Variants in ZNF729 observed in about 807,000 individuals in gnomAD.
The protein encoded by ZNF729 is zinc finger protein 729.
ZNF729 carries 15 observed loss-of-function variants against 12.2 expected under a neutral mutation model. The observed-to-expected ratio is 1.23, with a 90% CI of 0.82 to 1.89. ZNF729 has a LOEUF of 1.89. ZNF729 is among the 40% of genes most tolerant of loss of function. The pLI, the probability that ZNF729 is intolerant of heterozygous loss-of-function variation, is 0.00. For synonymous variants in ZNF729, 492 were observed against 476.3 expected, an observed-to-expected ratio of 1.03 and a Z score of -0.43; for missense variants, 1,540 against 1,456.7, an observed-to-expected ratio of 1.06 and a Z score of -0.93.
At chr19:22,289,095 C>T (rs1315588077) in intron 1 of ZNF729, among the ~76,000 whole-genome samples, 1 of 130,446 alleles carries the variant, frequency 7.7e-6, no homozygotes, top group South Asian at 2.2e-4. Flanking sequence ...TTATTTTGAC[C>T]TCAGTTTTTT....
At chr19:22,299,802 G>T (rs1259969424) in intron 1 of ZNF729, 2 of 152,186 alleles carry the variant, frequency 1.3e-5, no homozygotes, top group African/African-American at 4.8e-5. Flanking sequence ...TTAATGTAAA[G>T]GTGCAGTTCT....
Position 22,316,083 on chromosome 19 carries a change from T to G in ZNF729, c.2666T>G (p.Phe889Cys). ...AAATGTGAAGAATGTGGTAAAGCTT[T>G]TAAGTGGTTGTCAAAACTTACTGTA... ...PYKCEECGKA[F>C]KWLSKLTVHK... The change falls in exon 4 of 4, where the codon TTT becomes TGT. Residue 889 changes from phenylalanine (F) to cysteine (C), a missense_variant. Transcript: ENST00000601693. 2 of 1,610,418 alleles carry G rather than the reference T, an allele frequency of 1.2e-6. No homozygotes were observed. The highest frequency in any genetic ancestry group is 1.7e-6 in the Non-Finnish European group (2 of 1,179,540).
At chr19:22,304,033 G>A (rs1451617520) in intron 2 of ZNF729, 149 bp downstream of exon 2, 2 of 558,572 alleles carry the variant, frequency 3.6e-6, no homozygotes. Context: ...GTGTAGAAAG[G>A]AATTTTTTTT....
intron 1 of ZNF729, among the ~76,000 whole-genome samples, chr19:22,292,785 G>A (rs913967912): frequency 6.6e-6 from 1 of 152,120 alleles, no homozygotes; most frequent in African/African-American, 2.4e-5. Context: ...AGGCATTTAG[G>A]TTGATTCCAT....
At chr19:22,305,737 TGTA>T (rs1286296860) in intron 3 of ZNF729, among the ~76,000 whole-genome samples, 1 of 152,194 alleles carries the variant, frequency 6.6e-6, no homozygotes, top group Non-Finnish European at 1.5e-5. Flanking sequence ...ATTGGTCTCT[TGTA>T]GGAACATATT....
intron 1 of ZNF729, among the ~76,000 whole-genome samples, chr19:22,301,627 T>A (rs990365223): frequency 6.6e-6 from 1 of 152,310 alleles, no homozygotes; most frequent in African/African-American, 2.4e-5. Flanking sequence ...AGATCTTAAA[T>A]CTTTTCTTTG....
In ZNF729 at chr19:22,313,714, C is replaced by G. The variant is rs1401169116; in HGVS notation, c.297C>G (p.Ser99Arg). Residue 99 changes from serine to arginine, a missense_variant, in exon 4 of 4, where the codon AGC becomes AGG. Transcript: ENST00000601693. ...HFTQDLWPDQ[S>R]TKDSFQEVIL... is the part of the protein sequence containing the mutation. Reference sequence around the variant, plus strand: ...CACAAGACCTTTGGCCAGATCAGAGCACAAAAGATTCTTTCCAAGAAGTAA... The same window carrying G: ...CACAAGACCTTTGGCCAGATCAGAGGACAAAAGATTCTTTCCAAGAAGTAA... 1 of 1,555,822 alleles carries G rather than the reference C, an allele frequency of 6.4e-7. No individual in the cohort carries two copies. The highest frequency in any genetic ancestry group is 2.3e-5 in the East Asian group (1 of 44,268).
In ZNF729 at chr19:22,303,778, T is replaced by C. The variant is rs1968345259; in HGVS notation, c.51T>C (p.Asp17=). The change falls in exon 2 of 4, where the codon GAT becomes GAC. Residue 17 remains aspartate (D), a synonymous_variant. Transcript: ENST00000601693. Reference sequence around the variant, plus strand: ...TTCAGGGACCATTGACATTTAGAGATGTGACCATAGAATTCTCTCTGGAGG... The same window carrying C: ...TTCAGGGACCATTGACATTTAGAGACGTGACCATAGAATTCTCTCTGGAGG... The part of the protein sequence containing the change: ...SLEMGPLTFR[D]VTIEFSLEEW... The C allele has an allele frequency of 1.3e-6, 2 of 1,570,688 alleles. No individual in the cohort carries two copies. Among genetic ancestry groups the C allele is most frequent in the African/African-American group, 1.4e-5 (1 of 73,714 alleles).
At chr19:22,293,493 TA>T (rs1968182627) in intron 1 of ZNF729, among the ~76,000 whole-genome samples, 1 of 104,608 alleles carries the variant, frequency 9.6e-6, no homozygotes, top group African/African-American at 4.4e-5. Context: ...GCCTTTTGTC[TA>T]TTTTTTTTTT....
chr19:22,288,944 G>A (rs1384601399), intron 1 of ZNF729, among the ~76,000 whole-genome samples: 1 of 152,152 alleles, frequency 6.6e-6, no homozygotes, highest in African/African-American at 2.4e-5. Flanking sequence ...GGCACTCACT[G>A]GGGCTTAATT....
chr19:22,310,625 A>G (rs1477673558), intron 3 of ZNF729, among the ~76,000 whole-genome samples: 3 of 152,050 alleles, frequency 2.0e-5, no homozygotes, highest in Admixed American at 6.6e-5. Flanking sequence ...TTTAGCATCT[A>G]TTTTCATCAG....
At chr19:22,307,995 A>T (rs181965759) in intron 3 of ZNF729, among the ~76,000 whole-genome samples, 1 of 151,866 alleles carries the variant, frequency 6.6e-6, no homozygotes, top group African/African-American at 2.4e-5. Flanking sequence ...CCCTATTTGT[A>T]GTCTTTTATC....
chr19:22,316,980 A>G lies in ZNF729; in HGVS notation c.3563A>G (p.Tyr1188Cys), dbSNP rs775555079. 2 of 1,612,808 alleles carry G rather than the reference A, an allele frequency of 1.2e-6. No individual in the cohort carries two copies. Among genetic ancestry groups the G allele is most frequent in the Non-Finnish European group, 1.7e-6 (2 of 1,179,978 alleles). The change falls in exon 4 of 4, where the codon TAC becomes TGC. Residue 1188 changes from tyrosine to cysteine, a missense_variant. Physicochemically the swap from Tyr to Cys is radical, Grantham distance 194 (BLOSUM62 -2). Coordinates refer to ENST00000601693, the MANE Select transcript of ZNF729 (RefSeq NM_001242680.2). ...HKTIHTGEKP[Y>C]KCEECGKAFI... ...ACAATTCATACTGGAGAGAAACCCT[A>G]CAAATGTGAAGAATGTGGCAAAGCT...
chr19:22,314,475 G>A lies in ZNF729; in HGVS notation c.1058G>A (p.Cys353Tyr), dbSNP rs1353009008. Residue 353 changes from cysteine (C) to tyrosine (Y), a missense_variant, in exon 4 of 4, where the codon TGT (cysteine) becomes TAT (tyrosine). Cys to Tyr is a radical substitution (Grantham distance 194). Transcript: ENST00000601693. ...AAGAAACCCTACAAGCGTGAAGAATGTGGCAAAGCTTTTAGCCAGTCCTCA... is the reference window on the plus strand; with the variant it reads ...AAGAAACCCTACAAGCGTGAAGAATATGGCAAAGCTTTTAGCCAGTCCTCA... Reference protein sequence around the residue: ...TGKKPYKREECGKAFSQSSTL... With the variant: ...TGKKPYKREEYGKAFSQSSTL... The A allele has an allele frequency of 2.5e-6, 4 of 1,608,692 alleles. No homozygotes were observed. Among genetic ancestry groups the A allele is most frequent in the Non-Finnish European group, 3.4e-6 (4 of 1,177,964 alleles).
At chr19:22,295,769 A>C (rs111429140) in intron 1 of ZNF729, among the ~76,000 whole-genome samples, 2,524 of 152,286 alleles carry the variant, frequency 0.017, 85 homozygotes, top group African/African-American at 0.058. Context: ...TGGGCTTGTC[A>C]TAGATAACTC....
intron 2 of ZNF729, among the ~76,000 whole-genome samples, chr19:22,304,229 T>C (rs532907917): frequency 3.9e-5 from 6 of 152,138 alleles, no homozygotes; most frequent in African/African-American, 1.4e-4. Context: ...GTAGTAGAGA[T>C]GGGGTTTCAC....
chr19:22,313,827 A>C lies in ZNF729; in HGVS notation c.410A>C (p.Glu137Ala). ...GCCAATGAGGGTAAGATGCACAAAGAAGGTTATAATAAACTTAACCAATGC... is the reference window on the plus strand; with the variant it reads ...GCCAATGAGGGTAAGATGCACAAAGCAGGTTATAATAAACTTAACCAATGC... ...KSANEGKMHK[E>A]GYNKLNQCRT... The change falls in exon 4 of 4, where the codon GAA becomes GCA. Residue 137 changes from glutamate (E) to alanine (A), a missense_variant. Glu to Ala is a moderately radical substitution (Grantham distance 107). Transcript: ENST00000601693. 1 of 1,586,738 alleles carries C rather than the reference A, an allele frequency of 6.3e-7. No homozygotes were observed. The highest frequency in any genetic ancestry group is 8.6e-7 in the Non-Finnish European group (1 of 1,168,806).
chr19:22,290,539 G>A (rs1968139298), intron 1 of ZNF729, among the ~76,000 whole-genome samples: 2 of 152,208 alleles, frequency 1.3e-5, no homozygotes, highest in South Asian at 4.2e-4. Flanking sequence ...GATGGCAAAT[G>A]GAGGGTGAAA....
In ZNF729 at chr19:22,314,911, C is replaced by T. The variant is rs771537401; in HGVS notation, c.1494C>T (p.Asn498=). ...YKCEECGKAF[N]HFSDLRRHKI... ...GTGAAGAATGTGGCAAAGCTTTTAACCATTTCTCAGACCTTAGAAGACATA... is the reference window on the plus strand; with the variant it reads ...GTGAAGAATGTGGCAAAGCTTTTAATCATTTCTCAGACCTTAGAAGACATA... Residue 498 remains asparagine (N), a synonymous_variant, in exon 4 of 4, where the codon AAC becomes AAT. Coordinates refer to ENST00000601693, the MANE Select transcript of ZNF729 (RefSeq NM_001242680.2). The T allele has an allele frequency of 5.0e-6, 8 of 1,608,716 alleles. No individual in the cohort carries two copies. Among genetic ancestry groups the T allele is most frequent in the South Asian group, 2.2e-5 (2 of 90,868 alleles).
Sources: gnomAD v4.1 joint callset for allele counts (sites outside exome capture counted in the v4.1 genomes callset) on GRCh38, gnomAD v4.1.1 for gene constraint, MANE v1.5 for transcripts, NCBI Gene and HGNC (gene_info 2026-07-23, HGNC 2026-07-21) for gene names.